Variants in SUPT3H observed in about 807,000 individuals in gnomAD.
The protein encoded by SUPT3H is transcription initiation protein SPT3 homolog.
In SUPT3H, 44 loss-of-function variants were observed where a neutral mutation model predicts 44.3. The ratio of observed to expected loss-of-function variants is 0.99; its 90% CI spans 0.78 to 1.28. The LOEUF is 1.28. SUPT3H is among the 50% of genes most tolerant of loss of function. The pLI, the probability that SUPT3H is intolerant of heterozygous loss-of-function variation, is 0.00. For synonymous variants in SUPT3H, 124 were observed against 125.6 expected (o/e 0.99, Z 0.09); for missense variants, 380 against 387.1 (o/e 0.98, Z 0.15).
intron 2 of SUPT3H, among the ~76,000 whole-genome samples, chr6:45,125,122 G>A (rs1467955409): frequency 1.3e-5 from 2 of 152,124 alleles, no homozygotes; most frequent in Non-Finnish European, 1.5e-5. Context: ...CCTCAACTAT[G>A]GGCAGTAAGT....
At chr6:44,996,978 C>G (rs1430956159) in intron 6 of SUPT3H, among the ~76,000 whole-genome samples, 1 of 151,676 alleles carries the variant, frequency 6.6e-6, no homozygotes, top group African/African-American at 2.4e-5. Flanking sequence ...CATTTATTCT[C>G]TTCACAGGAG....
At chr6:45,077,639 A>AAAAAAAAAAG (rs1352811157) in intron 3 of SUPT3H, among the ~76,000 whole-genome samples, 3 of 85,844 alleles carry the variant, frequency 3.5e-5, no homozygotes, top group South Asian at 4.2e-4. Flanking sequence ...AAAAAAAAAA[A>AAAAAAAAAAG]AAAGAAAAGA....
At chr6:45,156,232 A>G (rs969245461) in intron 2 of SUPT3H, among the ~76,000 whole-genome samples, 1 of 152,190 alleles carries the variant, frequency 6.6e-6, no homozygotes, top group South Asian at 2.1e-4. Context: ...TGAGACTATC[A>G]GAAACAAAGA....
intron 6 of SUPT3H, among the ~76,000 whole-genome samples, chr6:44,996,722 A>C (rs1781324333): frequency 6.6e-6 from 1 of 151,932 alleles, no homozygotes; most frequent in Non-Finnish European, 1.5e-5. Flanking sequence ...ATTTCTCAAA[A>C]GCTTTGAAAC....
intron 10 of SUPT3H, among the ~76,000 whole-genome samples, chr6:44,868,648 G>A (rs966343845): frequency 6.6e-6 from 1 of 152,196 alleles, no homozygotes; most frequent in Non-Finnish European, 1.5e-5. Context: ...ATTTCTGCCT[G>A]TGGGGGTCCC....
chr6:44,822,154 T>C (rs541184841), downstream of SUPT3H, among the ~76,000 whole-genome samples: 3 of 152,312 alleles, frequency 2.0e-5, no homozygotes, highest in Admixed American at 6.5e-5. Context: ...CTTTCTGTAA[T>C]TTCACGGTTC....
chr6:45,320,626 C>T (rs545587444), intron 2 of SUPT3H, among the ~76,000 whole-genome samples: 3 of 152,148 alleles, frequency 2.0e-5, no homozygotes, highest in African/African-American at 7.2e-5. Flanking sequence ...TTCAGCCATA[C>T]TCATTTGTTT....
chr6:45,288,573 A>G (rs961490165), intron 2 of SUPT3H, among the ~76,000 whole-genome samples: 7 of 32,842 alleles, frequency 2.1e-4, no homozygotes, highest in African/African-American at 6.2e-4. Flanking sequence ...ATGTATATAT[A>G]TATATATATG....
chr6:45,108,201 A>T (rs1799538989), intron 2 of SUPT3H, among the ~76,000 whole-genome samples: 1 of 152,356 alleles, frequency 6.6e-6, no homozygotes, highest in Admixed American at 6.5e-5. Flanking sequence ...GGCCAGGCAC[A>T]GTGGCTCATA....
At chr6:45,191,778 T>C (rs916835677) in intron 2 of SUPT3H, among the ~76,000 whole-genome samples, 1 of 151,928 alleles carries the variant, frequency 6.6e-6, no homozygotes, top group Non-Finnish European at 1.5e-5. Flanking sequence ...AATCACCAAT[T>C]CCACATTAAG....
intron 3 of SUPT3H, chr6:45,098,023 C>G: frequency 6.5e-6 from 1 of 153,648 alleles, no homozygotes; most frequent in Middle Eastern, 1.6e-3. Context: ...CTAAAGATGG[C>G]GAGCTCTCTG....
chr6:45,209,454 T>TTTTTTTTTTTTTTTTTTTTTTTTTTTTTG (rs1763734560), intron 2 of SUPT3H, among the ~76,000 whole-genome samples: 1 of 152,148 alleles, frequency 6.6e-6, no homozygotes, highest in African/African-American at 2.4e-5. Context: ...GGATAACTTT[T>TTTTTTTTTTTTTTTTTTTTTTTTTTTTTG]AGGGATTCAA....
At chr6:44,920,600 G>GA (rs1490789451) in intron 10 of SUPT3H, among the ~76,000 whole-genome samples, 1 of 148,796 alleles carries the variant, frequency 6.7e-6, no homozygotes, top group Non-Finnish European at 1.5e-5. Context: ...AAAGGAAAAA[G>GA]AAATTTAAGA....
intron 2 of SUPT3H, among the ~76,000 whole-genome samples, chr6:45,246,373 T>C (rs1257168461): frequency 6.6e-6 from 1 of 152,138 alleles, no homozygotes; most frequent in African/African-American, 2.4e-5. Context: ...TTCTTCACTA[T>C]GTTTCCTTTA....
intron 2 of SUPT3H, among the ~76,000 whole-genome samples, chr6:45,291,047 C>A (rs1780232719): frequency 6.6e-6 from 1 of 152,136 alleles, no homozygotes; most frequent in Non-Finnish European, 1.5e-5. Flanking sequence ...CAGATTCCTC[C>A]TGCAAGACCC....
chr6:45,306,039 C>G (rs778175766), intron 2 of SUPT3H, among the ~76,000 whole-genome samples: 7 of 152,256 alleles, frequency 4.6e-5, no homozygotes, highest in Admixed American at 2.0e-4. Flanking sequence ...AGCCTCCAGG[C>G]ATCACATACT....
chr6:45,342,124 C>A (rs1789902993), intron 2 of SUPT3H, among the ~76,000 whole-genome samples: 1 of 151,964 alleles, frequency 6.6e-6, no homozygotes, highest in African/African-American at 2.4e-5. Context: ...GAGACTGCCA[C>A]TTAGGACAGA....
chr6:45,374,740 C>A (rs1326435746), intron 1 of SUPT3H, among the ~76,000 whole-genome samples: 2 of 152,124 alleles, frequency 1.3e-5, no homozygotes, highest in Non-Finnish European at 2.9e-5. Flanking sequence ...GTCACCCCCA[C>A]CAAAAGATGA....
At chr6:44,986,176 A>G (rs1779763534) in intron 6 of SUPT3H, among the ~76,000 whole-genome samples, 4 of 152,158 alleles carry the variant, frequency 2.6e-5, no homozygotes, top group Admixed American at 2.6e-4. Flanking sequence ...AAAGACCAGA[A>G]TGGAAGAAAT....
Sources: allele counts gnomAD v4.1 joint callset (sites outside exome capture counted in the v4.1 genomes callset), GRCh38; gene constraint gnomAD v4.1.1; transcripts MANE v1.5; gene names NCBI Gene and HGNC (gene_info 2026-07-23, HGNC 2026-07-21).